The following ABCC1 variants were observed in gnomAD, a reference collection of about 807,000 sequenced individuals.
ABCC1 encodes the protein multidrug resistance-associated protein 1.
Under a neutral mutation model 172.9 loss-of-function variants are expected in ABCC1, and 83 were observed. That is an observed-to-expected ratio of 0.48 (90% CI 0.40 to 0.58). The LOEUF (loss-of-function observed/expected upper bound fraction) is 0.58, where lower values mean the gene tolerates loss of function less well. ABCC1 is among the 20% of genes least tolerant of loss of function. The pLI is 0.00. For synonymous variants in ABCC1, 937 were observed against 825.2 expected (o/e 1.14, Z -2.32); for missense variants, 1,817 against 2,002.7 (o/e 0.91, Z 1.77).
At position 15,949,819 on chromosome 16, in the gene ABCC1, TGAGGCCGGCGGGACGGAGG is replaced by T. The variant is rs1265101972; in HGVS notation, c.48+33_48+51del. The stretch of plus-strand genomic sequence containing the variant: ...CTCTGGGTACGTGCCGGGGGCCGCG[TGAGGCCGGCGGGACGGAGG>T]GAGGCCGGCGGGGAGGGAAAGCACC... On this transcript the variant is annotated intron_variant, in intron 1 of 30. Transcript: ENST00000399410. The T allele has an allele frequency of 9.2e-6, 11 of 1,193,558 alleles. No homozygotes were observed. Among genetic ancestry groups the T allele is most frequent in the Middle Eastern group, 3.4e-4 (1 of 2,984 alleles). 73.9% of individuals were successfully genotyped at this position (1,193,558 alleles called of 1,614,324 possible). A position where few individuals can be genotyped will look rare whatever the true frequency, so the allele number is the denominator to read the frequency against.
rs2052144730 is a variant in ABCC1, at chr16:16,106,892, G to A, written c.2871+19G>A. On this transcript the variant is annotated intron_variant, in intron 21 of 30. Coordinates refer to ENST00000399410, the MANE Select transcript of ABCC1 (RefSeq NM_004996.4). ...AGGGCAGGTGAGATTCGCTCCTTAA[G>A]TGATGACAGTGGCTGGAGTTTATAG... The A allele has an allele frequency of 6.2e-7, 1 of 1,613,862 alleles. No individual in the cohort carries two copies. Among genetic ancestry groups the A allele is most frequent in the Non-Finnish European group, 8.5e-7 (1 of 1,179,910 alleles).
intron 19 of ABCC1, among the ~76,000 whole-genome samples, chr16:16,100,268 G>A (rs919610672): frequency 6.6e-6 from 1 of 152,208 alleles, no homozygotes; most frequent in East Asian, 1.9e-4. Flanking sequence ...GCCTGCAGAA[G>A]CTCCCAGCTG....
At chr16:15,999,783 C>CTCTCTCTCTT in intron 1 of ABCC1, among the ~76,000 whole-genome samples, 1 of 28,084 alleles carries the variant, frequency 3.6e-5, no homozygotes, top group Admixed American at 4.5e-4. Context: ...CTCTCTCTCT[C>CTCTCTCTCTT]TCTCTCTCTC....
At chr16:16,129,452 G>T (rs1390370709) in intron 26 of ABCC1, among the ~76,000 whole-genome samples, 1 of 151,952 alleles carries the variant, frequency 6.6e-6, no homozygotes, top group Non-Finnish European at 1.5e-5. Context: ...AGTTTGAGAC[G>T]ATCCTGGGCA....
At chr16:15,966,114 G>A (rs1449104150) in intron 1 of ABCC1, among the ~76,000 whole-genome samples, 2 of 152,022 alleles carry the variant, frequency 1.3e-5, no homozygotes, top group African/African-American at 4.8e-5. Flanking sequence ...GGACGATGGT[G>A]CATGTTAATG....
At chr16:16,107,741 T>C (rs1400514881) in intron 21 of ABCC1, among the ~76,000 whole-genome samples, 1 of 152,134 alleles carries the variant, frequency 6.6e-6, no homozygotes, top group African/African-American at 2.4e-5. Flanking sequence ...TTAAAGATCG[T>C]CTATTTTGGG....
At chr16:16,118,777 A>G (rs562159363) in intron 23 of ABCC1, among the ~76,000 whole-genome samples, 2 of 151,800 alleles carry the variant, frequency 1.3e-5, no homozygotes, top group Admixed American at 6.6e-5. Context: ...ACATGAAAAC[A>G]TCGTCTTTTT....
chr16:16,080,255 G>A (rs975406541), intron 16 of ABCC1, among the ~76,000 whole-genome samples: 55 of 152,210 alleles, frequency 3.6e-4, no homozygotes, highest in African/African-American at 1.3e-3. Context: ...GGATCTCTGA[G>A]TATCTATTCT....
At chr16:16,134,739 C>T (rs1348375734) in intron 28 of ABCC1, among the ~76,000 whole-genome samples, 10 of 148,974 alleles carry the variant, frequency 6.7e-5, no homozygotes, top group African/African-American at 2.0e-4. Context: ...CAGGCTCAAG[C>T]GATTCTCCCA....
At chr16:16,010,005 C>G (rs1224247961) in intron 3 of ABCC1, 104 bp downstream of exon 3, 3 of 499,880 alleles carry the variant, frequency 6.0e-6, no homozygotes, top group Admixed American at 4.3e-5. Context: ...AGGCAATGAT[C>G]AGCTGGAGCT....
At chr16:16,037,342 A>AC (rs1341937916) in intron 7 of ABCC1, among the ~76,000 whole-genome samples, 4 of 151,862 alleles carry the variant, frequency 2.6e-5, no homozygotes, top group Non-Finnish European at 5.9e-5. Context: ...TTTAGGCTCT[A>AC]CCCCCTATGT....
At chr16:16,132,193 T>G (rs1281533776) in intron 27 of ABCC1, among the ~76,000 whole-genome samples, 3 of 152,036 alleles carry the variant, frequency 2.0e-5, no homozygotes, top group East Asian at 3.9e-4. Flanking sequence ...TGGAAGATTT[T>G]TTGTTGTTGT....
At chr16:16,041,074 C>T (rs1597158738) in intron 7 of ABCC1, among the ~76,000 whole-genome samples, 1 of 150,916 alleles carries the variant, frequency 6.6e-6, no homozygotes, top group East Asian at 2.0e-4. Flanking sequence ...ACTACAGGCA[C>T]GTGCCACCAC....
At chr16:16,127,523 A>G (rs2045490168) in intron 26 of ABCC1, among the ~76,000 whole-genome samples, 1 of 152,060 alleles carries the variant, frequency 6.6e-6, no homozygotes, top group Admixed American at 6.5e-5. Flanking sequence ...AGATGCTACT[A>G]TTACCCCCAT....
chr16:16,138,614 C>G (rs1477018103), intron 30 of ABCC1, 56 bp downstream of exon 30: 2 of 1,392,078 alleles, frequency 1.4e-6, no homozygotes, highest in Non-Finnish European at 1.9e-6. Context: ...TACTCACTGG[C>G]TCACTCATTA....
chr16:15,995,984 T>G, intron 1 of ABCC1, among the ~76,000 whole-genome samples: 1 of 119,208 alleles, frequency 8.4e-6, no homozygotes, highest in East Asian at 2.1e-4. Context: ...TAAGTTTTTT[T>G]TTTTTTTTTT....
chr16:16,125,793 G>C lies in ABCC1; in HGVS notation c.3718-17G>C. 1 of 1,591,144 alleles carries C rather than the reference G, an allele frequency of 6.3e-7. No homozygotes were observed. The highest frequency in any genetic ancestry group is 2.2e-5 in the East Asian group (1 of 44,656). Reference sequence around the variant, plus strand: ...CCCGCTTACTCTAGAAATGCCACGTGACTCTTCCACTCACAGGTCACCACG... The same window carrying C: ...CCCGCTTACTCTAGAAATGCCACGTCACTCTTCCACTCACAGGTCACCACG... On this transcript the variant is annotated splice_polypyrimidine_tract_variant and intron_variant, in intron 25 of 30. Transcript: ENST00000399410.
At chr16:16,039,241 G>GTGTGTGTGTGTATGTA (rs2048877913) in intron 7 of ABCC1, among the ~76,000 whole-genome samples, 1 of 107,140 alleles carries the variant, frequency 9.3e-6, no homozygotes, top group Non-Finnish European at 1.8e-5. Flanking sequence ...GTGTATGTAT[G>GTGTGTGTGTGTATGTA]TGTGTGTGTG....
At chr16:16,124,223 G>A (rs1188232247) in intron 24 of ABCC1, among the ~76,000 whole-genome samples, 2 of 152,088 alleles carry the variant, frequency 1.3e-5, no homozygotes, top group African/African-American at 2.4e-5. Context: ...GCCGAGAAAC[G>A]ATGGTTATTT....
Sources: allele counts gnomAD v4.1 joint callset (sites outside exome capture counted in the v4.1 genomes callset), GRCh38; gene constraint gnomAD v4.1.1; transcripts MANE v1.5; gene names NCBI Gene and HGNC (gene_info 2026-07-23, HGNC 2026-07-21).